The following ASAP2 variants were observed in gnomAD, a reference collection of about 807,000 sequenced individuals.
The protein encoded by ASAP2 is ArfGAP with SH3 domain, ankyrin repeat and PH domain 2.
ASAP2 carries 45 observed loss-of-function variants against 131.4 expected under a neutral mutation model. The ratio of observed to expected loss-of-function variants is 0.34; its 90% CI spans 0.27 to 0.44. The LOEUF (loss-of-function observed/expected upper bound fraction) is 0.44, where lower values mean the gene tolerates loss of function less well. Among genes scored for constraint, ASAP2 ranks in the 20% least tolerant of loss-of-function variants. The probability of loss-of-function intolerance (pLI) is 1.00; values close to 1 mark genes in which losing one functional copy is unlikely to be tolerated. For missense variants in ASAP2, 1,011 were observed against 1,297.0 expected (o/e 0.78, Z 3.39); for synonymous variants, 510 against 503.0 (o/e 1.01, Z -0.19).
chr2:9,331,886 A>G (rs1370931610), intron 7 of ASAP2, among the ~76,000 whole-genome samples: 1 of 152,084 alleles, frequency 6.6e-6, no homozygotes, highest in Non-Finnish European at 1.5e-5. Flanking sequence ...CTTGGAATGC[A>G]TGGTCAAGAT....
At chr2:9,326,763 A>G (rs1670507002) in intron 6 of ASAP2, among the ~76,000 whole-genome samples, 1 of 152,222 alleles carries the variant, frequency 6.6e-6, no homozygotes, top group South Asian at 2.1e-4. Flanking sequence ...GTGGCCGCAC[A>G]GTATTTTCTG....
At chr2:9,271,221 A>G in intron 1 of ASAP2, 1 of 655,982 alleles carries the variant, frequency 1.5e-6, no homozygotes, top group South Asian at 1.9e-5. Flanking sequence ...GTGACAAGGG[A>G]CAGAAGGGAA....
At chr2:9,317,762 A>G (rs1669881772) in intron 3 of ASAP2, among the ~76,000 whole-genome samples, 1 of 151,502 alleles carries the variant, frequency 6.6e-6, no homozygotes, top group African/African-American at 2.4e-5. Context: ...TCACATCCGT[A>G]CACAATCACA....
chr2:9,317,373 C>G (rs956704846), intron 3 of ASAP2, among the ~76,000 whole-genome samples: 2 of 142,568 alleles, frequency 1.4e-5, no homozygotes, highest in African/African-American at 5.2e-5. Context: ...ACATTCACCC[C>G]CAACTCACAT....
chr2:9,295,510 C>T (rs1310820176), intron 2 of ASAP2, among the ~76,000 whole-genome samples: 1 of 152,228 alleles, frequency 6.6e-6, no homozygotes, highest in Non-Finnish European at 1.5e-5. Context: ...GAGAGCATCT[C>T]CCAGCAGGTT....
chr2:9,334,366 T>A (rs895869148), intron 7 of ASAP2, among the ~76,000 whole-genome samples: 4 of 151,302 alleles, frequency 2.6e-5, no homozygotes, highest in Non-Finnish European at 4.4e-5. Flanking sequence ...TCTGCATTCC[T>A]TTTCTTTTCC....
intron 1 of ASAP2, among the ~76,000 whole-genome samples, chr2:9,270,137 C>T (rs188491550): frequency 9.8e-5 from 15 of 152,326 alleles, no homozygotes; most frequent in Non-Finnish European, 1.6e-4. Context: ...GGTCAGCTTC[C>T]ACCTGGCCCC....
At chr2:9,356,371 T>G in intron 14 of ASAP2, 26 bp downstream of exon 14, 1 of 1,552,698 alleles carries the variant, frequency 6.4e-7, no homozygotes, top group African/African-American at 1.4e-5. Flanking sequence ...CACCCGACCC[T>G]GGGCTCTAGG....
intron 5 of ASAP2, among the ~76,000 whole-genome samples, chr2:9,321,519 G>A (rs753520322): frequency 2.6e-5 from 4 of 152,116 alleles, no homozygotes; most frequent in Admixed American, 1.3e-4. Flanking sequence ...AGGGACCAGC[G>A]GATTCCTGCT....
At chr2:9,245,986 A>T (rs1298345001) in intron 1 of ASAP2, among the ~76,000 whole-genome samples, 3 of 152,220 alleles carry the variant, frequency 2.0e-5, no homozygotes, top group African/African-American at 7.2e-5. Context: ...TACGATGGGG[A>T]TGGCTATCTA....
intron 6 of ASAP2, 99 bp downstream of exon 6, chr2:9,323,349 C>G (rs1199985498): frequency 6.6e-7 from 1 of 1,508,540 alleles, no homozygotes; most frequent in African/African-American, 1.4e-5. Context: ...TCAGAGAAAA[C>G]ACCACATGCA....
intron 7 of ASAP2, 136 bp from the exon 8 acceptor site, chr2:9,334,602 A>C: frequency 2.9e-6 from 2 of 680,822 alleles, no homozygotes; most frequent in Non-Finnish European, 4.9e-6. Context: ...TGATATTTTA[A>C]GGTTCTGTTC....
chr2:9,226,874 C>T (rs957671428), intron 1 of ASAP2, among the ~76,000 whole-genome samples: 3 of 152,132 alleles, frequency 2.0e-5, no homozygotes, highest in Non-Finnish European at 4.4e-5. Context: ...AGAGAGATTG[C>T]AGGTGGCTTC....
At chr2:9,320,047 GC>G (rs1670055545) in intron 4 of ASAP2, among the ~76,000 whole-genome samples, 1 of 152,218 alleles carries the variant, frequency 6.6e-6, no homozygotes, top group African/African-American at 2.4e-5. Context: ...TAACTGGGTG[GC>G]AGCACCTTGC....
intron 1 of ASAP2, among the ~76,000 whole-genome samples, chr2:9,208,536 G>A (rs1373226286): frequency 6.6e-6 from 1 of 151,572 alleles, no homozygotes; most frequent in East Asian, 1.9e-4. Context: ...CAATAAAAGG[G>A]AGTCAAAAGT....
In ASAP2 at chr2:9,278,790, A is replaced by G. The variant is rs117840958; in HGVS notation, c.127-527A>G. Among the ~76,000 whole-genome samples, 29 of 152,314 alleles carry G rather than the reference A, an allele frequency of 1.9e-4. No individual in the cohort carries two copies. The East Asian group carries it at 5.6e-3, about 29-fold the overall frequency. ...TGCTGGTTTCTGGAGAAGAAATCTG[A>G]GGCTCGGGAAGCAATAGGACCCGTC... On this transcript the variant is annotated intron_variant, in intron 1 of 27. Transcript: ENST00000281419.
chr2:9,301,639 G>C (rs1431078858), intron 3 of ASAP2, among the ~76,000 whole-genome samples: 1 of 152,170 alleles, frequency 6.6e-6, no homozygotes, highest in Middle Eastern at 3.4e-3. Flanking sequence ...ATGTCCTCAC[G>C]GTCTGCAGAA....
intron 16 of ASAP2, among the ~76,000 whole-genome samples, chr2:9,373,939 C>G (rs1294005132): frequency 6.6e-6 from 1 of 152,224 alleles, no homozygotes; most frequent in Non-Finnish European, 1.5e-5. Flanking sequence ...CCGGGACCCA[C>G]TGTGTGTGCT....
At chr2:9,334,065 T>TTTTGA (rs1671025091) in intron 7 of ASAP2, among the ~76,000 whole-genome samples, 1 of 96,182 alleles carries the variant, frequency 1.0e-5, no homozygotes, top group African/African-American at 3.4e-5. Context: ...TTTTTTTTTT[T>TTTTGA]GGGAGACAGT....
Sources: gnomAD v4.1 joint callset for allele counts (sites outside exome capture counted in the v4.1 genomes callset) on GRCh38, gnomAD v4.1.1 for gene constraint, MANE v1.5 for transcripts, NCBI Gene and HGNC (gene_info 2026-07-23, HGNC 2026-07-21) for gene names.